TNRC18: variants seen among roughly 807,000 people sequenced by gnomAD.
TNRC18 encodes trinucleotide repeat-containing gene 18 protein.
Under a neutral mutation model 226.7 loss-of-function variants are expected in TNRC18, and 69 were observed. That is an observed-to-expected ratio of 0.30 (90% CI 0.25 to 0.37). The LOEUF (loss-of-function observed/expected upper bound fraction) is 0.37, where lower values mean the gene tolerates loss of function less well. TNRC18 is among the 10% of genes least tolerant of loss of function. The pLI is 1.00. For synonymous variants in TNRC18, 2,449 were observed against 1,927.6 expected, an observed-to-expected ratio of 1.27 and a Z score of -7.09; for missense variants, 4,754 against 4,256.6, an observed-to-expected ratio of 1.12 and a Z score of -3.25.
Position 5,356,799 on chromosome 7 carries a change from AGAGAGC to A in TNRC18, c.5194+111_5194+116del, listed in dbSNP as rs746756699. The A allele has an allele frequency of 1.3e-4, 175 of 1,365,216 alleles. 1 individual carries two copies. Among genetic ancestry groups the A allele is most frequent in the African/African-American group, 1.1e-3 (69 of 65,368 alleles). The allele number at this position is 1,365,216 out of a possible 1,614,324, so 84.6% of individuals were successfully genotyped here. A position where few individuals can be genotyped will look rare whatever the true frequency, so the allele number is the denominator to read the frequency against. ...TCAGGCACTGTAGTGCGCCCCAGAG[AGAGAGC>A]GAGAGCGAGAGAGAGAGTGAGGGGC... is the stretch of plus-strand genomic sequence containing the variant. On this transcript the variant is annotated intron_variant, in intron 16 of 29. Coordinates refer to ENST00000430969, the MANE Select transcript of TNRC18 (RefSeq NM_001080495.3).
intron 17 of TNRC18, among the ~76,000 whole-genome samples, chr7:5,346,210 G>A (rs911789778): frequency 1.1e-4 from 17 of 152,346 alleles, no homozygotes; most frequent in Admixed American, 4.6e-4. Flanking sequence ...AAGAGGAAGC[G>A]GAGGGAGGTG....
intron 2 of TNRC18, among the ~76,000 whole-genome samples, chr7:5,419,110 T>G (rs527623888): frequency 1.3e-5 from 2 of 152,366 alleles, no homozygotes; most frequent in Admixed American, 1.3e-4. Flanking sequence ...GCTCCGAGGC[T>G]ACCTCCCGCT....
At position 5,313,016 on chromosome 7, in the gene TNRC18, G is replaced by GGATGAGGAT. The variant is rs1562477599; in HGVS notation, c.7874_7875insATCCTCATC (p.Ser2669_Ser2671dup). Reference sequence around the variant, plus strand: ...AGGAAGAGGAGGATGAGGAGGAGGAGGAGGAGGAGGAGGAGGATGAGGAGG... The same window carrying GGATGAGGAT: ...AGGAAGAGGAGGATGAGGAGGAGGAGGATGAGGATGAGGAGGAGGAGGAGGATGAGGAGG... On this transcript the variant is annotated inframe_insertion, in exon 27 of 30. Coordinates refer to ENST00000430969, the MANE Select transcript of TNRC18 (RefSeq NM_001080495.3). 3 of 855,144 alleles carry GGATGAGGAT rather than the reference G, an allele frequency of 3.5e-6. No homozygotes were observed. In the African/African-American group the frequency reaches 5.1e-5, roughly 15 times the overall value. 53.0% of individuals were successfully genotyped at this position (855,144 alleles called of 1,614,324 possible). A position where few individuals can be genotyped will look rare whatever the true frequency, so the allele number is the denominator to read the frequency against.
Position 5,421,063 on chromosome 7 carries a change from G to A in TNRC18, c.184C>T (p.Pro62Ser), listed in dbSNP as rs754249103. 3.3e-6 allele frequency: 5 copies of A among 1,515,802 alleles called. No individual in the cohort carries two copies. Among genetic ancestry groups the A allele is most frequent in the Non-Finnish European group, 1.8e-6 (2 of 1,121,738 alleles). The allele number at this position is 1,515,802 out of a possible 1,614,324, so 93.9% of individuals were successfully genotyped here. ...GGGCACGGCGCGGGGCACTTACCCG[G>A]GTGCGGATGGAGATTCAGGCCGGCC... is the stretch of plus-strand genomic sequence containing the variant. ...YMAGLNLHPHPGEAFLGSFVA... is the reference protein window; with the variant it reads ...YMAGLNLHPHSGEAFLGSFVA... Residue 62 changes from proline to serine, a missense_variant, in exon 2 of 30, where the codon CCG becomes TCG. Transcript: ENST00000430969.
At chr7:5,327,368 T>TATGC (rs1789022351) in intron 19 of TNRC18, among the ~76,000 whole-genome samples, 1 of 98,416 alleles carries the variant, frequency 1.0e-5, no homozygotes, top group South Asian at 3.9e-4. Flanking sequence ...TGTGTGTGTT[T>TATGC]GTGCGTGTGT....
At chr7:5,371,960 C>G (rs1794196093) in intron 10 of TNRC18, among the ~76,000 whole-genome samples, 2 of 152,200 alleles carry the variant, frequency 1.3e-5, no homozygotes, top group South Asian at 2.1e-4. Flanking sequence ...CGCAACGGCG[C>G]CATCTCAGCT....
Position 5,390,492 on chromosome 7 carries a change from TG to T in TNRC18, c.479del (p.Pro160GlnfsTer82). On this transcript the variant is annotated frameshift_variant, in exon 4 of 30. Coordinates refer to ENST00000430969, the MANE Select transcript of TNRC18 (RefSeq NM_001080495.3). LOFTEE classifies it high-confidence loss of function. ...SIFDTQKGQG[P>X]GGDGFYLPTA... ...CCCGGACTCCAGTCTTACCTCCTCCTGGCCCCTGACCTTTCTGGGTATCGAA... is the reference window on the plus strand; with the variant it reads ...CCCGGACTCCAGTCTTACCTCCTCCTGCCCCTGACCTTTCTGGGTATCGAA... 1.2e-6 allele frequency: 2 copies of T among 1,613,436 alleles called. No individual in the cohort carries two copies. Among genetic ancestry groups the T allele is most frequent in the Non-Finnish European group, 8.5e-7 (1 of 1,179,798 alleles).
At chr7:5,418,947 C>T (rs1013795306) in intron 2 of TNRC18, among the ~76,000 whole-genome samples, 4 of 152,218 alleles carry the variant, frequency 2.6e-5, no homozygotes, top group Non-Finnish European at 5.9e-5. Context: ...GGGGGACAGC[C>T]AGAACCAGCA....
chr7:5,419,468 C>G (rs1470824948), intron 2 of TNRC18, among the ~76,000 whole-genome samples: 1 of 152,240 alleles, frequency 6.6e-6, no homozygotes, highest in Non-Finnish European at 1.5e-5. Flanking sequence ...CACGCATGCA[C>G]ACACACACAC....
Position 5,377,277 on chromosome 7 carries a change from G to T in TNRC18, c.2461+94C>A. 1 of 1,327,434 alleles carries T rather than the reference G, an allele frequency of 7.5e-7. No homozygotes were observed. Among genetic ancestry groups the T allele is most frequent in the East Asian group, 2.5e-5 (1 of 39,316 alleles). The allele number at this position is 1,327,434 out of a possible 1,614,324, so 82.2% of individuals were successfully genotyped here. On this transcript the variant is annotated intron_variant, in intron 7 of 29. Coordinates refer to ENST00000430969, the MANE Select transcript of TNRC18 (RefSeq NM_001080495.3). This position sits in a 1 kb window ranked among gnomAD's most constrained non-coding sequence, Gnocchi z 5.8. ...GGCAGGCCCAGGCCCCCCAGGAAAC[G>T]GCAGGCAGGAGCCAGCCCTGAGCTC...
rs1792499181 is a variant in TNRC18 at position 5,357,053 on chromosome 7, A to G, written c.5057T>C (p.Leu1686Pro). ...NRKALAKGLG[L>P]SLKSSREGKH... ...ACCTTCTCTGGAGGATTTCAGAGACAGGCCGAGGCCCTTGGCCAGCGCCTT... is the reference window on the plus strand; with the variant it reads ...ACCTTCTCTGGAGGATTTCAGAGACGGGCCGAGGCCCTTGGCCAGCGCCTT... The change falls in exon 16 of 30, where the codon CTG becomes CCG. Residue 1686 changes from leucine (L) to proline (P), a missense_variant. By Grantham distance (98) the Leu-to-Pro change is moderately conservative. Transcript: ENST00000430969. 3.2e-6 allele frequency: 5 copies of G among 1,552,106 alleles called. No homozygotes were observed. The highest frequency in any genetic ancestry group is 2.4e-5 in the South Asian group (2 of 84,074).
Position 5,307,452 on chromosome 7 carries a change from G to A in TNRC18, c.*654C>T, listed in dbSNP as rs6978551. ...TTCAGCACCATTGGGGTTTTCTGTA[G>A]TGTGAGGGTTTGGACCAGGGTGGGC... is the stretch of plus-strand genomic sequence containing the variant. On this transcript the variant is annotated 3_prime_UTR_variant, in exon 30 of 30. Transcript: ENST00000430969. 2.5e-6 allele frequency: 1 copy of A among 398,746 alleles called. No homozygotes were observed. The highest frequency in any genetic ancestry group is 5.1e-6 in the Non-Finnish European group (1 of 195,324). The allele number at this position is 398,746 out of a possible 1,614,324, so 24.7% of individuals were successfully genotyped here. A position where few individuals can be genotyped will look rare whatever the true frequency, so the allele number is the denominator to read the frequency against.
In TNRC18 at chr7:5,388,713, C is replaced by T. The variant is rs1202357839; in HGVS notation, c.1111G>A (p.Ala371Thr). The T allele has an allele frequency of 2.4e-6, 3 of 1,263,984 alleles. No individual in the cohort carries two copies. The highest frequency in any genetic ancestry group is 1.6e-5 in the African/African-American group (1 of 62,400). The allele number at this position is 1,263,984 out of a possible 1,614,324, so 78.3% of individuals were successfully genotyped here. ...REQGREHRVV[A>T]PTFVPSVEAF... The stretch of plus-strand genomic sequence containing the variant: ...TCCACGGAAGGCACGAAGGTGGGCG[C>T]CACCACGCGGTGCTCACGGCCCTGC... The change falls in exon 5 of 30, where the codon GCG becomes ACG. Residue 371 changes from alanine (A) to threonine (T), a missense_variant. Transcript: ENST00000430969.
In TNRC18 at chr7:5,320,439, G is replaced by T; in HGVS notation, c.6637-13C>A. On this transcript the variant is annotated splice_polypyrimidine_tract_variant and intron_variant, in intron 23 of 29. Coordinates refer to ENST00000430969, the MANE Select transcript of TNRC18 (RefSeq NM_001080495.3). ...TCACATCGATGATCTAGAAGGGCAT[G>T]GGATGAGTGCAAGGTGTGGACACAG... The T allele has an allele frequency of 6.4e-7, 1 of 1,562,322 alleles. No homozygotes were observed. The highest frequency in any genetic ancestry group is 2.4e-5 in the East Asian group (1 of 41,856).
Position 5,345,671 on chromosome 7 carries a change from G to T in TNRC18, c.5610C>A (p.Arg1870=). 6.4e-7 allele frequency: 1 copy of T among 1,551,386 alleles called. No individual in the cohort carries two copies. The highest frequency in any genetic ancestry group is 8.7e-7 in the Non-Finnish European group (1 of 1,147,680). Residue 1870 remains arginine (R), a synonymous_variant, in exon 18 of 30, where the codon CGC becomes CGA. Transcript: ENST00000430969. The part of the protein sequence containing the change: ...LEESGLGLLA[R]FAASALPSPT... ...GGCTGGGGAGGGCGCTGGCGGCGAA[G>T]CGTGCCAGCAGGCCCAGCCCACTCT...
At position 5,309,701 on chromosome 7, in the gene TNRC18, C is replaced by T. The variant is rs1262468849; in HGVS notation, c.8389-333G>A. Among the ~76,000 whole-genome samples, 1 of 152,196 alleles carries T rather than the reference C, an allele frequency of 6.6e-6. No homozygotes were observed. The highest frequency in any genetic ancestry group is 1.5e-5 in the Non-Finnish European group (1 of 68,034). ...CACTGCAGCCACGAACTCCTAGACT[C>T]AAGAAATCCTCTCCCACCTCAGCCT... On this transcript the variant is annotated intron_variant, in intron 27 of 29. Transcript: ENST00000430969. The surrounding 1 kb of genome is among the most constrained non-coding windows in gnomAD (Gnocchi z 5.7).
At chr7:5,363,475 G>A (rs1426813684) in intron 11 of TNRC18, among the ~76,000 whole-genome samples, 3 of 151,562 alleles carry the variant, frequency 2.0e-5, no homozygotes, top group Non-Finnish European at 4.4e-5. Context: ...GTGGTGGCGG[G>A]CGCCTGTAGC....
chr7:5,411,663 G>C (rs771913981), intron 2 of TNRC18, among the ~76,000 whole-genome samples: 40 of 152,016 alleles, frequency 2.6e-4, no homozygotes, highest in Non-Finnish European at 8.8e-5. Context: ...GCCACCGCAG[G>C]ATGTGCTCTA....
chr7:5,372,756 C>G (rs947489705), intron 10 of TNRC18, among the ~76,000 whole-genome samples: 1 of 152,106 alleles, frequency 6.6e-6, no homozygotes, highest in African/African-American at 2.4e-5. Context: ...CTGCAGTGGT[C>G]TCAAGCCTAC....
Sources: gnomAD v4.1 joint callset for allele counts (sites outside exome capture counted in the v4.1 genomes callset) on GRCh38, gnomAD v4.1.1 for gene constraint, Gnocchi (gnomAD v3.1) non-coding constraint, MANE v1.5 for transcripts, NCBI Gene and HGNC (gene_info 2026-07-23, HGNC 2026-07-21) for gene names.